Variants in DLGAP4 observed in about 807,000 individuals in gnomAD.
DLGAP4 encodes DLG associated protein 4.
DLGAP4 carries 18 observed loss-of-function variants against 86.9 expected under a neutral mutation model. The ratio of observed to expected loss-of-function variants is 0.21; its 90% CI spans 0.14 to 0.31. The LOEUF (loss-of-function observed/expected upper bound fraction) is 0.31. DLGAP4 is among the 10% of genes least tolerant of loss of function. The pLI is 1.00. For synonymous variants in DLGAP4, 548 were observed against 574.3 expected, an observed-to-expected ratio of 0.95 and a Z score of 0.65; for missense variants, 1,085 against 1,362.6, an observed-to-expected ratio of 0.80 and a Z score of 3.21.
chr20:36,316,577 G>A (rs1366296758), intron 1 of DLGAP4, among the ~76,000 whole-genome samples: 10 of 152,292 alleles, frequency 6.6e-5, no homozygotes, highest in African/African-American at 2.2e-4. Flanking sequence ...GTCTCCCACC[G>A]GGCAGAGGCT....
At chr20:36,517,265 C>T (rs1308468530) in intron 10 of DLGAP4, among the ~76,000 whole-genome samples, 1 of 152,026 alleles carries the variant, frequency 6.6e-6, no homozygotes, top group Non-Finnish European at 1.5e-5. Flanking sequence ...GTAATCCCAG[C>T]TACTGGGGAG....
chr20:36,376,666 G>C (rs771893706), intron 2 of DLGAP4, among the ~76,000 whole-genome samples: 29 of 152,032 alleles, frequency 1.9e-4, no homozygotes, highest in Non-Finnish European at 4.1e-4. Context: ...GGGCCCTGTG[G>C]ACCAATGTTG....
At chr20:36,397,820 G>A (rs920000356) in intron 2 of DLGAP4, among the ~76,000 whole-genome samples, 1 of 152,180 alleles carries the variant, frequency 6.6e-6, no homozygotes, top group Non-Finnish European at 1.5e-5. Context: ...TGGCTTTGCA[G>A]CTTAAAACTT....
chr20:36,516,749 T>C (rs1008754877), intron 10 of DLGAP4, among the ~76,000 whole-genome samples: 1 of 151,876 alleles, frequency 6.6e-6, no homozygotes, highest in Non-Finnish European at 1.5e-5. Context: ...CTGTGTTTCA[T>C]TTCCTCTGAA....
intron 2 of DLGAP4, among the ~76,000 whole-genome samples, chr20:36,430,551 C>T (rs2033100723): frequency 6.6e-6 from 1 of 151,192 alleles, no homozygotes; most frequent in African/African-American, 2.4e-5. Context: ...GGCACAGTGG[C>T]CCACAGCTAT....
At position 36,432,719 on chromosome 20, in the gene DLGAP4, G is replaced by C. The variant is rs2033162568; in HGVS notation, c.999+3G>C. The C allele has an allele frequency of 6.2e-7, 1 of 1,612,246 alleles. No homozygotes were observed. Among genetic ancestry groups the C allele is most frequent in the Non-Finnish European group, 8.5e-7 (1 of 1,179,352 alleles). On this transcript the variant is annotated splice_donor_region_variant and intron_variant, in intron 3 of 12. Transcript: ENST00000339266. This position sits in a 1 kb window ranked among gnomAD's most constrained non-coding sequence, Gnocchi z 6.5. The stretch of plus-strand genomic sequence containing the variant: ...GTCTAGCCTACCATTACCTGCAGGT[G>C]GGTCTCTGGCAGGGTCAGGGGTGGG...
chr20:36,373,590 G>A (rs888636899), intron 2 of DLGAP4, among the ~76,000 whole-genome samples: 1 of 152,052 alleles, frequency 6.6e-6, no homozygotes, highest in African/African-American at 2.4e-5. Context: ...TGGAGAGTGG[G>A]GAAAAGTGGC....
At position 36,500,064 on chromosome 20, in the gene DLGAP4, T is replaced by A; in HGVS notation, c.2100-135T>A. On this transcript the variant is annotated intron_variant, in intron 9 of 12. Coordinates refer to ENST00000339266, the MANE Select transcript of DLGAP4 (RefSeq NM_001365621.2). This position sits in a 1 kb window ranked among gnomAD's most constrained non-coding sequence, Gnocchi z 4.6. ...ATGAGATGGGGGCTGTGGGACCCGC[T>A]TCAGGCGCATGGTGAGCAGATGATG... 1.8e-6 allele frequency: 2 copies of A among 1,086,764 alleles called. No homozygotes were observed. Among genetic ancestry groups the A allele is most frequent in the Non-Finnish European group, 2.6e-6 (2 of 772,906 alleles). The allele number at this position is 1,086,764 out of a possible 1,614,324, so 67.3% of individuals were successfully genotyped here.
chr20:36,423,885 G>A lies in DLGAP4; in HGVS notation c.-72-7761G>A, dbSNP rs534436279. 4.6e-3 allele frequency among the ~76,000 whole-genome samples: 695 copies of A among 151,996 alleles called. 3 individuals carry two copies. Among genetic ancestry groups the A allele is most frequent in the Non-Finnish European group, 6.4e-3 (435 of 67,976 alleles). ...TGAGGCGGGAGAATTGCTTGAACCC[G>A]GGAGGCAGAGGTTGCAGTGAGCCGA... On this transcript the variant is annotated intron_variant, in intron 2 of 12. Transcript: ENST00000339266.
At chr20:36,349,962 G>A (rs782754281) in intron 1 of DLGAP4, among the ~76,000 whole-genome samples, 6 of 152,114 alleles carry the variant, frequency 3.9e-5, no homozygotes, top group East Asian at 1.9e-4. Context: ...CCGTGTTTCC[G>A]CCCTGAAGGA....
chr20:36,465,346 T>TGGA (rs1182209707), intron 7 of DLGAP4: 7 of 152,174 alleles, frequency 4.6e-5, no homozygotes, highest in African/African-American at 1.7e-4. Context: ...CGGAAGCCAG[T>TGGA]GGAGTTCTCC....
chr20:36,419,120 CTTTT>C (rs568949886), intron 2 of DLGAP4, among the ~76,000 whole-genome samples: 2 of 149,310 alleles, frequency 1.3e-5, no homozygotes, highest in Admixed American at 1.3e-4. Flanking sequence ...TTCTTTCTTT[CTTTT>C]TTTTTTCTTT....
At chr20:36,453,007 A>G (rs1474222849) in intron 7 of DLGAP4, among the ~76,000 whole-genome samples, 1 of 150,712 alleles carries the variant, frequency 6.6e-6, no homozygotes, top group Admixed American at 6.6e-5. Flanking sequence ...TAATTTTTGT[A>G]TTTTTAGTAG....
intron 7 of DLGAP4, among the ~76,000 whole-genome samples, chr20:36,472,836 G>T (rs1485534958): frequency 1.3e-5 from 2 of 152,210 alleles, no homozygotes; most frequent in Admixed American, 1.3e-4. Flanking sequence ...GCCTCATGAG[G>T]AGGGGAGCAG....
intron 1 of DLGAP4, among the ~76,000 whole-genome samples, chr20:36,349,250 C>T (rs1274281821): frequency 6.7e-6 from 1 of 149,582 alleles, no homozygotes; most frequent in Non-Finnish European, 1.5e-5. Context: ...GACCCTGTCT[C>T]TACTAAAAAT....
At chr20:36,314,993 A>G (rs2065083464) in intron 1 of DLGAP4, among the ~76,000 whole-genome samples, 2 of 97,692 alleles carry the variant, frequency 2.0e-5, no homozygotes, top group African/African-American at 8.7e-5. Flanking sequence ...TGTGTGTGTT[A>G]TGTATGGTGT....
At chr20:36,412,834 T>C (rs2032538223) in intron 2 of DLGAP4, among the ~76,000 whole-genome samples, 1 of 152,162 alleles carries the variant, frequency 6.6e-6, no homozygotes, top group Non-Finnish European at 1.5e-5. Context: ...TACAGATACA[T>C]CCTCCAGGTG....
intron 7 of DLGAP4, among the ~76,000 whole-genome samples, chr20:36,490,024 AT>A (rs1187777366): frequency 6.6e-6 from 1 of 151,438 alleles, no homozygotes; most frequent in African/African-American, 2.4e-5. Flanking sequence ...ACACCCGGCT[AT>A]TTTTTGTATT....
At chr20:36,514,325 T>C (rs2036911125) in intron 10 of DLGAP4, among the ~76,000 whole-genome samples, 1 of 151,736 alleles carries the variant, frequency 6.6e-6, no homozygotes, top group African/African-American at 2.4e-5. Context: ...AACAGGAGAG[T>C]AATTGGAGAC....
Sources: gnomAD v4.1 joint callset for allele counts (sites outside exome capture counted in the v4.1 genomes callset) on GRCh38, gnomAD v4.1.1 for gene constraint, Gnocchi (gnomAD v3.1) non-coding constraint, MANE v1.5 for transcripts, NCBI Gene and HGNC (gene_info 2026-07-23, HGNC 2026-07-21) for gene names.